ORC5: variants seen among roughly 807,000 people sequenced by gnomAD.
ORC5 encodes the protein origin recognition complex subunit 5.
A neutral mutation model predicts 58.8 loss-of-function variants in ORC5; 39 were observed. That is an observed-to-expected ratio of 0.66 (90% confidence interval 0.51 to 0.87). ORC5 has a LOEUF of 0.87. ORC5 is among the 40% of genes least tolerant of loss of function. ORC5 has a pLI of 0.00. For synonymous variants in ORC5, 218 were observed against 177.6 expected (o/e 1.23, Z -1.81); for missense variants, 493 against 506.3 (o/e 0.97, Z 0.25).
At chr7:104,141,206 A>C (rs1798667793) in intron 12 of ORC5, among the ~76,000 whole-genome samples, 1 of 152,198 alleles carries the variant, frequency 6.6e-6, no homozygotes, top group South Asian at 2.1e-4. Context: ...CAACAGAATA[A>C]ACCCAGCAGT....
At chr7:104,159,194 T>G (rs561871107) in intron 12 of ORC5, among the ~76,000 whole-genome samples, 4,047 of 146,836 alleles carry the variant, frequency 0.028, 186 homozygotes, top group African/African-American at 0.1. Flanking sequence ...GGATGAAATT[T>G]GAAATCATCA....
intron 3 of ORC5, 89 bp from the exon 4 acceptor site, chr7:104,197,888 A>G: frequency 1.3e-6 from 1 of 762,624 alleles, no homozygotes; most frequent in Non-Finnish European, 2.1e-6. Flanking sequence ...CCCAAAGTTC[A>G]TGTGTTGGAA....
chr7:104,153,551 T>C (rs1482684844), intron 12 of ORC5, among the ~76,000 whole-genome samples: 4 of 152,196 alleles, frequency 2.6e-5, no homozygotes, highest in Non-Finnish European at 5.9e-5. Context: ...CAAGCTATTT[T>C]CTATGATTTA....
At chr7:104,145,096 A>G (rs1395109816) in intron 12 of ORC5, among the ~76,000 whole-genome samples, 1 of 152,246 alleles carries the variant, frequency 6.6e-6, no homozygotes, top group East Asian at 1.9e-4. Context: ...GGGACAGTAA[A>G]TATTGCTGAA....
intron 8 of ORC5, among the ~76,000 whole-genome samples, chr7:104,170,637 T>A (rs568954775): frequency 7.6e-4 from 116 of 152,364 alleles, no homozygotes; most frequent in African/African-American, 2.6e-3. Flanking sequence ...ACAGTAACTA[T>A]GTGTTGTCCT....
intron 8 of ORC5, among the ~76,000 whole-genome samples, chr7:104,174,644 G>T (rs1158058127): frequency 1.3e-5 from 2 of 152,192 alleles, no homozygotes; most frequent in Non-Finnish European, 2.9e-5. Flanking sequence ...ATTGGTCACA[G>T]CTGGCACCAT....
chr7:104,155,070 A>G (rs1798901469), intron 12 of ORC5, among the ~76,000 whole-genome samples: 1 of 151,840 alleles, frequency 6.6e-6, no homozygotes, highest in African/African-American at 2.4e-5. Context: ...TACATATCTT[A>G]TAAAACAACA....
intron 12 of ORC5, among the ~76,000 whole-genome samples, chr7:104,160,231 T>TA (rs1799000016): frequency 6.6e-6 from 1 of 152,198 alleles, no homozygotes; most frequent in African/African-American, 2.4e-5. Flanking sequence ...AATGAAAAAT[T>TA]AAAAGTTACC....
chr7:104,152,515 T>C (rs768144219), intron 12 of ORC5, among the ~76,000 whole-genome samples: 71 of 152,192 alleles, frequency 4.7e-4, no homozygotes, highest in African/African-American at 1.4e-3. Context: ...CTCCTATCTG[T>C]TCTTATTAAA....
chr7:104,129,002 T>C lies in ORC5; in HGVS notation c.1263-2109A>G, dbSNP rs187106032. On this transcript the variant is annotated intron_variant, in intron 13 of 13. Coordinates refer to ENST00000297431, the MANE Select transcript of ORC5 (RefSeq NM_002553.4). This position sits in a 1 kb window ranked among gnomAD's most constrained non-coding sequence, Gnocchi z 4.9. ...GAATCCATAAATTACAATACATTATTTGATGAAATATTATACAGCCATACA... is the reference window on the plus strand; with the variant it reads ...GAATCCATAAATTACAATACATTATCTGATGAAATATTATACAGCCATACA... 1.3e-5 allele frequency among the ~76,000 whole-genome samples: 2 copies of C among 152,116 alleles called. No homozygotes were observed. The highest frequency in any genetic ancestry group is 2.9e-5 in the Non-Finnish European group (2 of 68,000).
intron 5 of ORC5, among the ~76,000 whole-genome samples, chr7:104,192,835 G>C (rs1188859298): frequency 6.7e-6 from 1 of 150,358 alleles, no homozygotes; most frequent in African/African-American, 2.4e-5. Flanking sequence ...TATTCTACAG[G>C]ATTAGATTAG....
intron 5 of ORC5, among the ~76,000 whole-genome samples, chr7:104,188,827 G>A (rs1011224199): frequency 2.6e-5 from 4 of 152,048 alleles, no homozygotes; most frequent in African/African-American, 9.7e-5. Flanking sequence ...AGCTGTTCTT[G>A]TGATAGAGTT....
rs1002741563 is a variant in ORC5, at chr7:104,162,185, T to C, written c.1039-1003A>G. ...TAATAGCCAATAAATATTTATTTCT[T>C]TTTTTGAGACAGAGCCTCACTCTGT... On this transcript the variant is annotated intron_variant, in intron 11 of 13. Transcript: ENST00000297431. Among the ~76,000 whole-genome samples, 3 of 152,180 alleles carry C rather than the reference T, an allele frequency of 2.0e-5. No individual in the cohort carries two copies. In the East Asian group the frequency reaches 5.8e-4, roughly 29 times the overall value.
intron 12 of ORC5, among the ~76,000 whole-genome samples, chr7:104,156,438 T>C (rs945472438): frequency 1.1e-4 from 16 of 151,680 alleles, no homozygotes; most frequent in Non-Finnish European, 3.0e-5. Context: ...CTAGTACTAT[T>C]ATAAATTTAT....
At chr7:104,207,348 T>C (rs778637347) in intron 1 of ORC5, among the ~76,000 whole-genome samples, 3 of 152,160 alleles carry the variant, frequency 2.0e-5, no homozygotes, top group Non-Finnish European at 4.4e-5. Context: ...TTCTGGACTG[T>C]TACAATTCTG....
At position 104,136,894 on chromosome 7, in the gene ORC5, C is replaced by G; in HGVS notation, c.1150-1G>C. ...GCTGAAGGGTCACTAGAGAGGTAAT[C>G]TAAAAGAGAACATTTTTATAAGAAA... On this transcript the variant is annotated splice_acceptor_variant, in intron 12 of 13. Transcript: ENST00000297431. LOFTEE classifies it high-confidence loss of function. This position sits in a 1 kb window ranked among gnomAD's most constrained non-coding sequence, Gnocchi z 4.2. 1 of 1,602,108 alleles carries G rather than the reference C, an allele frequency of 6.2e-7. No homozygotes were observed. The highest frequency in any genetic ancestry group is 8.6e-7 in the Non-Finnish European group (1 of 1,169,410).
intron 3 of ORC5, among the ~76,000 whole-genome samples, chr7:104,199,165 C>A (rs766680660): frequency 1.7e-4 from 9 of 54,132 alleles, no homozygotes; most frequent in Admixed American, 7.0e-4. Context: ...TTGGACCCCC[C>A]CTACAGAGTC....
At chr7:104,202,364 A>G (rs1356004966) in intron 2 of ORC5, 1 of 236,124 alleles carries the variant, frequency 4.2e-6, no homozygotes, top group Non-Finnish European at 8.8e-6. Flanking sequence ...CACTAAAGCC[A>G]CATTAAACTT....
At chr7:104,187,112 A>G (rs1028706709) in intron 6 of ORC5, among the ~76,000 whole-genome samples, 3 of 152,182 alleles carry the variant, frequency 2.0e-5, no homozygotes, top group Non-Finnish European at 4.4e-5. Flanking sequence ...ACTTTCCAGG[A>G]AAGACCGAGG....
Sources: allele counts gnomAD v4.1 joint callset (sites outside exome capture counted in the v4.1 genomes callset), GRCh38; gene constraint gnomAD v4.1.1; non-coding constraint Gnocchi (gnomAD v3.1); transcripts MANE v1.5; gene names NCBI Gene and HGNC (gene_info 2026-07-23, HGNC 2026-07-21).